ZFHX3: variants seen among roughly 807,000 people sequenced by gnomAD.
The protein encoded by ZFHX3 is zinc finger homeobox protein 3.
A neutral mutation model predicts 279.1 loss-of-function variants in ZFHX3; 42 were observed. That is an observed-to-expected ratio of 0.15 (90% CI 0.12 to 0.19). The LOEUF (loss-of-function observed/expected upper bound fraction) is 0.19. Ranked by LOEUF, ZFHX3 falls within the 10% of genes least tolerant of loss-of-function variation. The pLI, the probability that ZFHX3 is intolerant of heterozygous loss-of-function variation, is 1.00. For missense variants in ZFHX3, 4,981 were observed against 4,754.0 expected (o/e 1.05, Z -1.40); for synonymous variants, 2,293 against 1,957.8 (o/e 1.17, Z -4.52).
At chr16:73,585,697 A>G (rs2051918870) in intron 2 of ZFHX3, among the ~76,000 whole-genome samples, 2 of 152,234 alleles carry the variant, frequency 1.3e-5, no homozygotes, top group Admixed American at 1.3e-4. Context: ...GTGTGAAACT[A>G]AAGAAACATT....
Position 73,708,753 on chromosome 16 carries a change from A to T in ZFHX3, c.-1607-28513T>A, listed in dbSNP as rs192378875. On this transcript the variant is annotated intron_variant, in intron 1 of 17. Transcript: ENST00000641206. ...AGAAAAAAAAAGTGAATACCCCTAA[A>T]CACAGTGAGATCTAGAAGCTTATTT... is the stretch of plus-strand genomic sequence containing the variant. Among the ~76,000 whole-genome samples, 371 of 152,286 alleles carry T rather than the reference A, an allele frequency of 2.4e-3. 2 individuals are homozygous for T. The highest frequency in any genetic ancestry group is 6.8e-3 in the Middle Eastern group (2 of 294).
Position 73,038,593 on chromosome 16 carries a change from T to C in ZFHX3, c.-50+9159A>G, listed in dbSNP as rs140349020. On this transcript the variant is annotated intron_variant, in intron 1 of 9. Transcript: ENST00000268489. The stretch of plus-strand genomic sequence containing the variant: ...GTGAAATCGTGGGTTGCTGAAAATA[T>C]CTGTTTTAAAGTTAATTCCACCTGT... Among the ~76,000 whole-genome samples, 21 of 152,218 alleles carry C rather than the reference T, an allele frequency of 1.4e-4. No homozygotes were observed. The East Asian group carries it at 3.5e-3, about 25-fold the overall frequency.
intron 2 of ZFHX3, among the ~76,000 whole-genome samples, chr16:73,623,608 A>C (rs1294915422): frequency 6.6e-6 from 1 of 152,254 alleles, no homozygotes; most frequent in East Asian, 1.9e-4. Context: ...ATAGGTACTC[A>C]GGGAATACAC....
In ZFHX3 at chr16:73,448,700, G is replaced by GTGTGTGTGTT. The variant is rs375656342; in HGVS notation, c.-1291+7302_-1291+7303insAACACACACA. On this transcript the variant is annotated intron_variant, in intron 3 of 17. Coordinates refer to the ZFHX3 transcript ENST00000641206. ...TATTTATATACGTGTGTGTGTGTGT[G>GTGTGTGTGTT]TGTGTGTGTGTGTGTGTGTGTATCT... Among the ~76,000 whole-genome samples, 186 of 151,486 alleles carry GTGTGTGTGTT rather than the reference G, an allele frequency of 1.2e-3. 1 individual carries two copies. The East Asian group carries it at 0.025, about 20-fold the overall frequency.
chr16:73,153,679 C>T (rs1967004835), intron 5 of ZFHX3, among the ~76,000 whole-genome samples: 1 of 151,916 alleles, frequency 6.6e-6, no homozygotes, highest in Admixed American at 6.6e-5. Context: ...GAGATGGGGT[C>T]TAGTCCTGTC....
At chr16:73,588,383 T>C (rs79268569) in intron 2 of ZFHX3, among the ~76,000 whole-genome samples, 2,510 of 152,144 alleles carry the variant, frequency 0.016, 85 homozygotes, top group East Asian at 0.095. Flanking sequence ...ACTATGACTG[T>C]ATAAGAAAAC....
intron 4 of ZFHX3, among the ~76,000 whole-genome samples, chr16:72,863,329 C>A (rs1486783599): frequency 8.8e-6 from 1 of 113,396 alleles, no homozygotes; most frequent in East Asian, 2.7e-4. Context: ...ACGGCAAAAT[C>A]TCATCTCTAC....
chr16:73,034,864 C>G (rs931315667), intron 1 of ZFHX3, among the ~76,000 whole-genome samples: 5 of 152,224 alleles, frequency 3.3e-5, no homozygotes, highest in Non-Finnish European at 5.9e-5. Flanking sequence ...TCCTAACAAT[C>G]TCATGAGCAT....
intron 4 of ZFHX3, among the ~76,000 whole-genome samples, chr16:72,835,682 G>A (rs1465146058): frequency 1.3e-5 from 2 of 152,194 alleles, no homozygotes; most frequent in East Asian, 3.9e-4. Flanking sequence ...AGTGGCGTTT[G>A]CTGGTGTCTC....
rs1238779139 is a variant in ZFHX3, at chr16:72,793,419, T to C, written c.9263A>G (p.Asn3088Ser). 4 of 1,614,200 alleles carry C rather than the reference T, an allele frequency of 2.5e-6. No homozygotes were observed. The South Asian group carries it at 3.3e-5, about 13-fold the overall frequency. ...QQELDRIKKA[N>S]EVLGLAAQQQ... is the part of the protein sequence containing the mutation. ...CTGAGCTGCCAGTCCAAGGACCTCG[T>C]TGGCCTTTTTAATCCGGTCCAACTC... The change falls in exon 9 of 10, where the codon AAC becomes AGC. Residue 3088 changes from asparagine (N) to serine (S), a missense_variant. Coordinates refer to ENST00000268489, the MANE Select transcript of ZFHX3 (RefSeq NM_006885.4). The surrounding 1 kb of genome is among the most constrained non-coding windows in gnomAD (Gnocchi z 4.3).
At chr16:72,871,669 G>A (rs960923867) in intron 4 of ZFHX3, among the ~76,000 whole-genome samples, 1 of 151,306 alleles carries the variant, frequency 6.6e-6, no homozygotes, top group Non-Finnish European at 1.5e-5. Flanking sequence ...TAGAGACGGG[G>A]TTTCACCATG....
At chr16:73,182,845 T>C (rs111524128) in intron 5 of ZFHX3, among the ~76,000 whole-genome samples, 1 of 128,632 alleles carries the variant, frequency 7.8e-6, no homozygotes, top group African/African-American at 3.0e-5. Flanking sequence ...TGGGTACCCA[T>C]GGACATACAG....
chr16:72,961,954 C>T (rs540284036), intron 1 of ZFHX3, among the ~76,000 whole-genome samples: 1 of 152,076 alleles, frequency 6.6e-6, no homozygotes, highest in Admixed American at 6.5e-5. Context: ...ATGGGACTTC[C>T]TCGCAAGGCT....
At chr16:73,365,287 G>C (rs2016511280) in intron 3 of ZFHX3, among the ~76,000 whole-genome samples, 1 of 152,216 alleles carries the variant, frequency 6.6e-6, no homozygotes, top group East Asian at 1.9e-4. Flanking sequence ...GGCTGCAGCA[G>C]GCAACAGGAG....
At chr16:73,100,741 G>T (rs1467519875) in intron 7 of ZFHX3, among the ~76,000 whole-genome samples, 2 of 152,010 alleles carry the variant, frequency 1.3e-5, no homozygotes, top group Non-Finnish European at 2.9e-5. Context: ...GGGATTACAG[G>T]CACCCACCAT....
chr16:72,855,035 C>A (rs958277514), intron 4 of ZFHX3, among the ~76,000 whole-genome samples: 5 of 152,110 alleles, frequency 3.3e-5, no homozygotes, highest in Admixed American at 2.6e-4. Flanking sequence ...AAATACTCTA[C>A]TGTACGCAGA....
At chr16:73,508,734 AT>A (rs1438756007) in intron 2 of ZFHX3, among the ~76,000 whole-genome samples, 1 of 152,224 alleles carries the variant, frequency 6.6e-6, no homozygotes, top group Non-Finnish European at 1.5e-5. Flanking sequence ...AGTGGTATAT[AT>A]TATTGTCCAG....
rs1310827406 is a variant in ZFHX3 at position 72,959,093 on chromosome 16, T to C, written c.1053A>G (p.Leu351=). ...EPKNKNFQHP[L]VSTANLIGPG... is the part of the protein sequence containing the mutation. The stretch of plus-strand genomic sequence containing the variant: ...GGCCTATGAGGTTAGCTGTGGAAAC[T>C]AAAGGGTGTTGAAAGTTTTTGTTTT... The change falls in exon 2 of 10, where the codon TTA becomes TTG. Residue 351 remains leucine (L), a synonymous_variant. Coordinates refer to ENST00000268489, the MANE Select transcript of ZFHX3 (RefSeq NM_006885.4). The C allele has an allele frequency of 6.2e-7, 1 of 1,614,228 alleles. No homozygotes were observed. Among genetic ancestry groups the C allele is most frequent in the Admixed American group, 1.7e-5 (1 of 60,036 alleles).
intron 2 of ZFHX3, among the ~76,000 whole-genome samples, chr16:73,548,481 A>T (rs1210601189): frequency 1.1e-4 from 17 of 150,228 alleles, no homozygotes; most frequent in African/African-American, 4.0e-4. Context: ...TTTTTTTTTA[A>T]AAAAAAGTGC....
Sources: gnomAD v4.1 joint callset for allele counts (sites outside exome capture counted in the v4.1 genomes callset) on GRCh38, gnomAD v4.1.1 for gene constraint, Gnocchi (gnomAD v3.1) non-coding constraint, MANE v1.5 for transcripts, NCBI Gene and HGNC (gene_info 2026-07-23, HGNC 2026-07-21) for gene names.